Variants in PSEN2 observed in about 807,000 individuals in gnomAD.
PSEN2 encodes the protein presenilin 2.
Under a neutral mutation model 49.1 loss-of-function variants are expected in PSEN2, and 32 were observed. That is an observed-to-expected ratio of 0.65 (90% CI 0.49 to 0.88). The LOEUF is 0.88. PSEN2 is among the 40% of genes least tolerant of loss of function. PSEN2 has a pLI of 0.00. For synonymous variants in PSEN2, 255 were observed against 244.0 expected (o/e 1.05, Z -0.42); for missense variants, 522 against 586.9 (o/e 0.89, Z 1.14).
At position 226,883,936 on chromosome 1, in the gene PSEN2, G is replaced by C. The variant is rs2102673007; in HGVS notation, c.356+17G>C. ...TGGACAGCTGTGAGTTGGGGGGCTG[G>C]GGGGAGCAGGGTGGGGTGAGGGCTG... On this transcript the variant is annotated intron_variant, in intron 5 of 12. Transcript: ENST00000366783. 6.9e-6 allele frequency: 11 copies of C among 1,595,712 alleles called. No homozygotes were observed. Among genetic ancestry groups the C allele is most frequent in the South Asian group, 1.1e-5 (1 of 90,646 alleles).
At chr1:226,883,632 A>G (rs1392591429) in intron 4 of PSEN2, 73 bp from the exon 5 acceptor site, 2 of 1,440,834 alleles carry the variant, frequency 1.4e-6, no homozygotes, top group Admixed American at 3.8e-5. Flanking sequence ...TTCTGGTTCC[A>G]AAAATCCGTG....
chr1:226,877,942 G>A (rs1259410433), intron 3 of PSEN2, among the ~76,000 whole-genome samples: 2 of 152,150 alleles, frequency 1.3e-5, no homozygotes, highest in African/African-American at 2.4e-5. Flanking sequence ...GTCTAGACCA[G>A]GTCACTGTCT....
At chr1:226,894,315 G>A (rs1248186976) in intron 12 of PSEN2, among the ~76,000 whole-genome samples, 190 bp downstream of exon 12, 2 of 152,244 alleles carry the variant, frequency 1.3e-5, no homozygotes, top group East Asian at 1.9e-4. Flanking sequence ...CTCGCCCCTA[G>A]GTGGGCTCCA....
In PSEN2 at chr1:226,885,629, G is replaced by A. The variant is rs866044092; in HGVS notation, c.448G>A (p.Val150Met). 10 of 1,612,776 alleles carry A rather than the reference G, an allele frequency of 6.2e-6. No homozygotes were observed. The highest frequency in any genetic ancestry group is 1.6e-4 in the Middle Eastern group (1 of 6,084). ...LNTLIMISVI[V>M]VMTIFLVVLY... ...CACCCTCATCATGATCAGCGTCATC[G>A]TGGTTATGACCATCTTCTTGGTGGT... Residue 150 changes from valine (V) to methionine (M), a missense_variant, in exon 6 of 13, where the codon GTG becomes ATG. Val to Met is a conservative substitution (Grantham distance 21, BLOSUM62 1). Coordinates refer to ENST00000366783, the MANE Select transcript of PSEN2 (RefSeq NM_000447.3).
At chr1:226,889,849 G>A (rs907208108) in intron 8 of PSEN2, among the ~76,000 whole-genome samples, 186 bp from the exon 9 acceptor site, 1 of 152,200 alleles carries the variant, frequency 6.6e-6, no homozygotes, top group Non-Finnish European at 1.5e-5. Flanking sequence ...AGTTGCCTGC[G>A]AGGCCCTACT....
At position 226,896,027 on chromosome 1, in the gene PSEN2, C is replaced by A. The variant is rs891606399; in HGVS notation, c.*448C>A. On this transcript the variant is annotated 3_prime_UTR_variant, in exon 13 of 13. Transcript: ENST00000366783. ...TTGCCTTTAGAAACTGAGTCCTGTT[C>A]TTGTTACGGCAGTCACACTGCTGGG... The A allele has an allele frequency of 1.3e-5, 3 of 234,484 alleles. No homozygotes were observed. The highest frequency in any genetic ancestry group is 2.5e-5 in the Non-Finnish European group (3 of 117,670). The allele number at this position is 234,484 out of a possible 1,614,324, so 14.5% of individuals were successfully genotyped here. A position where few individuals can be genotyped will look rare whatever the true frequency, so the allele number is the denominator to read the frequency against.
chr1:226,880,440 C>T (rs1660901266), intron 3 of PSEN2: 2 of 1,292,646 alleles, frequency 1.5e-6, no homozygotes, highest in South Asian at 1.6e-5. Context: ...GAACTTTCAG[C>T]AGAGCGCACA....
chr1:226,891,752 C>T lies in PSEN2; in HGVS notation c.980C>T (p.Ser327Phe), dbSNP rs1661767370. The T allele has an allele frequency of 6.2e-7, 1 of 1,614,012 alleles. No individual in the cohort carries two copies. Among genetic ancestry groups the T allele is most frequent in the South Asian group, 1.1e-5 (1 of 91,072 alleles). The part of the protein sequence containing the change: ...LPYDPEMEED[S>F]YDSFGEPSYP... ...CTTCCTGGACACCCAGAAGAAGACT[C>T]CTATGACAGTTTTGGGGAGCCTTCA... is the stretch of plus-strand genomic sequence containing the variant. Residue 327 changes from serine (S) to phenylalanine (F), a missense_variant, in exon 11 of 13, where the codon TCC (serine) becomes TTC (phenylalanine). Transcript: ENST00000366783.
At position 226,895,835 on chromosome 1, in the gene PSEN2, A is replaced by T; in HGVS notation, c.*256A>T. ...GCAGGTTTATCCAGATGAACTGAGAAGGTCAGATTAGGGCGGGGAGAAGAG... is the reference window on the plus strand; with the variant it reads ...GCAGGTTTATCCAGATGAACTGAGATGGTCAGATTAGGGCGGGGAGAAGAG... On this transcript the variant is annotated 3_prime_UTR_variant, in exon 13 of 13. Coordinates refer to ENST00000366783, the MANE Select transcript of PSEN2 (RefSeq NM_000447.3). 3 of 553,970 alleles carry T rather than the reference A, an allele frequency of 5.4e-6. No homozygotes were observed. The highest frequency in any genetic ancestry group is 4.1e-5 in the South Asian group (2 of 48,810). The allele number at this position is 553,970 out of a possible 1,614,324, so 34.3% of individuals were successfully genotyped here.
At chr1:226,891,244 C>T in intron 9 of PSEN2, 34 bp from the exon 10 acceptor site, 1 of 1,601,784 alleles carries the variant, frequency 6.2e-7, no homozygotes. Context: ...ACTGTTAGCA[C>T]CGCCTGAGAT....
intron 8 of PSEN2, 133 bp from the exon 9 acceptor site, chr1:226,889,902 G>A (rs1177385156): frequency 4.0e-6 from 3 of 755,546 alleles, no homozygotes; most frequent in Non-Finnish European, 7.1e-6. Context: ...ACTGGAGAAT[G>A]AGAATTTGGG....
intron 9 of PSEN2, 102 bp from the exon 10 acceptor site, chr1:226,891,176 C>G: frequency 1.1e-6 from 1 of 944,902 alleles, no homozygotes; most frequent in Non-Finnish European, 1.7e-6. Flanking sequence ...GATGGAGGGT[C>G]CTGTGCAGGC....
chr1:226,890,490 G>GA (rs1447189962), intron 9 of PSEN2: 3 of 332,932 alleles, frequency 9.0e-6, no homozygotes, highest in African/African-American at 6.4e-5. Flanking sequence ...GGGGGTCGGG[G>GA]AGCAAGGAGC....
At chr1:226,872,102 A>G (rs1187535158) in intron 2 of PSEN2, among the ~76,000 whole-genome samples, 1 of 152,166 alleles carries the variant, frequency 6.6e-6, no homozygotes, top group African/African-American at 2.4e-5. Context: ...TGTCTATTTG[A>G]AAGAGCAGCA....
chr1:226,891,000 C>T (rs541779300), intron 9 of PSEN2: 271 of 493,376 alleles, frequency 5.5e-4, no homozygotes, highest in Non-Finnish European at 8.0e-4. Context: ...TCCCAGGGCT[C>T]GGGGGATTCA....
Position 226,878,327 on chromosome 1 carries a change from A to G in PSEN2, c.-21+2777A>G, listed in dbSNP as rs568298873. 1.6e-4 allele frequency among the ~76,000 whole-genome samples: 24 copies of G among 152,042 alleles called. 1 individual carries two copies. The South Asian group carries it at 5.0e-3, about 32-fold the overall frequency. The stretch of plus-strand genomic sequence containing the variant: ...ACTCCTGACCTCAGGTGATCTGCCC[A>G]CCTCAGACAGGCATGAGCACCGCAC... On this transcript the variant is annotated intron_variant, in intron 3 of 12. Transcript: ENST00000366783.
intron 11 of PSEN2, 126 bp from the exon 12 acceptor site, chr1:226,893,881 T>A (rs1661922002): frequency 1.2e-6 from 1 of 814,054 alleles, no homozygotes; most frequent in African/African-American, 1.7e-5. Context: ...ACATCTTAGC[T>A]TCTAGAGGCC....
chr1:226,896,378 C>T (rs1179871426), downstream of PSEN2, among the ~76,000 whole-genome samples: 4 of 152,184 alleles, frequency 2.6e-5, no homozygotes, highest in South Asian at 2.1e-4. Flanking sequence ...CAGACACTGC[C>T]AGGTGGTTGC....
chr1:226,876,378 C>T (rs1031038123), intron 3 of PSEN2, among the ~76,000 whole-genome samples: 13 of 152,146 alleles, frequency 8.5e-5, no homozygotes, highest in African/African-American at 3.1e-4. Flanking sequence ...AAAGTTACAG[C>T]CTTTGAGTCC....
Sources: allele counts gnomAD v4.1 joint callset (sites outside exome capture counted in the v4.1 genomes callset), GRCh38; gene constraint gnomAD v4.1.1; transcripts MANE v1.5; gene names NCBI Gene and HGNC (gene_info 2026-07-23, HGNC 2026-07-21).